Variants in ALX1 observed in about 807,000 individuals in gnomAD.
ALX1 encodes ALX homeobox 1, also known as ALX homeobox protein 1.
Under a neutral mutation model 31.7 loss-of-function variants are expected in ALX1, and 19 were observed. The observed-to-expected ratio is 0.60, with a 90% confidence interval of 0.42 to 0.88. The LOEUF (loss-of-function observed/expected upper bound fraction) is 0.88. Among genes scored for constraint, ALX1 ranks in the 40% least tolerant of loss-of-function variants. The probability of loss-of-function intolerance (pLI) is 0.00; values close to 1 mark genes in which losing one functional copy is unlikely to be tolerated. For missense variants in ALX1, 415 were observed against 407.8 expected (o/e 1.02, Z -0.15); for synonymous variants, 153 against 148.8 (o/e 1.03, Z -0.20).
intron 2 of ALX1, among the ~76,000 whole-genome samples, chr12:85,284,100 G>T (rs999974537): frequency 3.3e-5 from 5 of 151,512 alleles, no homozygotes; most frequent in African/African-American, 1.2e-4. Flanking sequence ...TTATTACAGA[G>T]ACATAAAAAT....
chr12:85,297,636 G>A lies in ALX1; in HGVS notation c.661-3519G>A, dbSNP rs191407725. 1.6e-4 allele frequency among the ~76,000 whole-genome samples: 24 copies of A among 151,436 alleles called. No homozygotes were observed. The East Asian group carries it at 4.1e-3, about 26-fold the overall frequency. ...TTGGTGTACAAAGAATTTTTCATTT[G>A]GAAGGAAGTTGGACTCCAGTAGTGT... On this transcript the variant is annotated intron_variant, in intron 3 of 3. Coordinates refer to ENST00000316824, the MANE Select transcript of ALX1 (RefSeq NM_006982.3).
At chr12:85,287,744 ATACT>A (rs972784144) in intron 3 of ALX1, among the ~76,000 whole-genome samples, 25 of 151,366 alleles carry the variant, frequency 1.7e-4, no homozygotes, top group African/African-American at 5.3e-4. Context: ...CTTTTTCCTA[ATACT>A]TAATAATGAT....
chr12:85,293,442 T>C (rs1224944535), intron 3 of ALX1, among the ~76,000 whole-genome samples: 1 of 150,582 alleles, frequency 6.6e-6, no homozygotes, highest in African/African-American at 2.4e-5. Flanking sequence ...AAACATTTCA[T>C]TTTTATTAAA....
intron 3 of ALX1, among the ~76,000 whole-genome samples, chr12:85,287,289 A>C (rs1896760831): frequency 6.6e-6 from 1 of 151,764 alleles, no homozygotes; most frequent in South Asian, 2.1e-4. Context: ...CATTCTAATT[A>C]CTCAGACTCT....
chr12:85,286,746 G>A lies in ALX1; in HGVS notation c.532-107G>A, dbSNP rs555811907. The A allele has an allele frequency of 7.8e-5, 82 of 1,046,836 alleles. No individual in the cohort carries two copies. The African/African-American group carries it at 1.1e-3, about 14-fold the overall frequency. The allele number at this position is 1,046,836 out of a possible 1,614,324, so 64.8% of individuals were successfully genotyped here. The stretch of plus-strand genomic sequence containing the variant: ...CTAACATAAATACATTTCTTTTTAC[G>A]TAATTTTTTTAACCTGGTTTACCTT... On this transcript the variant is annotated intron_variant, in intron 2 of 3. Transcript: ENST00000316824.
At chr12:85,282,481 G>T (rs996089280) in intron 1 of ALX1, among the ~76,000 whole-genome samples, 2 of 151,800 alleles carry the variant, frequency 1.3e-5, no homozygotes, top group Non-Finnish European at 2.9e-5. Flanking sequence ...GAATATATTT[G>T]TATAATGATG....
intron 1 of ALX1, among the ~76,000 whole-genome samples, chr12:85,283,162 C>A (rs1382803819): frequency 1.3e-5 from 2 of 152,058 alleles, no homozygotes; most frequent in Admixed American, 1.3e-4. Context: ...ATTTTCTGAG[C>A]CACATTAGTA....
intron 3 of ALX1, among the ~76,000 whole-genome samples, chr12:85,288,679 T>C (rs186071491): frequency 6.6e-6 from 1 of 151,618 alleles, no homozygotes; most frequent in Non-Finnish European, 1.5e-5. Context: ...AACAACCTTA[T>C]GTGCTAGGTG....
At chr12:85,294,906 A>G (rs994705126) in intron 3 of ALX1, among the ~76,000 whole-genome samples, 2 of 151,322 alleles carry the variant, frequency 1.3e-5, no homozygotes, top group Non-Finnish European at 3.0e-5. Flanking sequence ...TGATGAATAA[A>G]TGATTTCTAA....
At chr12:85,290,909 A>C (rs568047893) in intron 3 of ALX1, among the ~76,000 whole-genome samples, 1 of 151,132 alleles carries the variant, frequency 6.6e-6, no homozygotes, top group South Asian at 2.1e-4. Context: ...TCCCATTTAC[A>C]ATGTAAAATA....
rs1200413690 is a variant in ALX1 at position 85,283,593 on chromosome 12, T to A, written c.248T>A (p.Val83Glu). The A allele has an allele frequency of 1.2e-6, 2 of 1,614,094 alleles. No individual in the cohort carries two copies. The highest frequency in any genetic ancestry group is 2.2e-5 in the South Asian group (2 of 91,086). Reference sequence around the variant, plus strand: ...ACAGTGAACTATGGGATCACTAAAGTAGAAGGACAGCCCCTTCACACCGAA... The same window carrying A: ...ACAGTGAACTATGGGATCACTAAAGAAGAAGGACAGCCCCTTCACACCGAA... ...DSSVNYGITK[V>E]EGQPLHTELN... Residue 83 changes from valine (V) to glutamate (E), a missense_variant, in exon 2 of 4, where the codon GTA becomes GAA. Physicochemically the swap from Val to Glu is moderately radical, Grantham distance 121. This residue lies in a region of ALX1 where 235 missense variants were observed against 208.9 expected (regional missense o/e 1.13). Transcript: ENST00000316824.
At chr12:85,292,733 C>A (rs1198187727) in intron 3 of ALX1, among the ~76,000 whole-genome samples, 1 of 150,626 alleles carries the variant, frequency 6.6e-6, no homozygotes, top group East Asian at 1.9e-4. Flanking sequence ...GCTTATCTAC[C>A]CTGGTTTTAA....
At chr12:85,291,577 CT>C (rs911612802) in intron 3 of ALX1, among the ~76,000 whole-genome samples, 1 of 151,038 alleles carries the variant, frequency 6.6e-6, no homozygotes, top group Admixed American at 6.6e-5. Context: ...TTACAAGGAA[CT>C]TTACAATTTC....
At chr12:85,284,830 A>C (rs985293052) in intron 2 of ALX1, among the ~76,000 whole-genome samples, 3 of 152,118 alleles carry the variant, frequency 2.0e-5, no homozygotes, top group Non-Finnish European at 4.4e-5. Context: ...TGATTTTTGC[A>C]ATTCCCATAA....
chr12:85,300,357 G>A (rs1391362038), intron 3 of ALX1, among the ~76,000 whole-genome samples: 1 of 151,884 alleles, frequency 6.6e-6, no homozygotes, highest in Non-Finnish European at 1.5e-5. Flanking sequence ...CTACTCTATA[G>A]GAGTACTATA....
At chr12:85,295,274 G>A (rs147043145) in intron 3 of ALX1, among the ~76,000 whole-genome samples, 32 of 151,236 alleles carry the variant, frequency 2.1e-4, no homozygotes, top group African/African-American at 7.7e-4. Context: ...AAAGTTAATG[G>A]GATCCTAAAG....
Position 85,286,915 on chromosome 12 carries a change from A to C in ALX1, c.594A>C (p.Gln198His). The change falls in exon 3 of 4, where the codon CAA becomes CAC. Residue 198 changes from glutamine to histidine, a missense_variant. Physicochemically the swap from Gln to His is conservative, Grantham distance 24 (BLOSUM62 0). Coordinates refer to ENST00000316824, the MANE Select transcript of ALX1 (RefSeq NM_006982.3). ...RKRERYGQIQ[Q>H]AKSHFAATYD... ...GGGAACGTTATGGCCAAATACAACA[A>C]GCGAAAAGCCATTTTGCTGCCACCT... is the stretch of plus-strand genomic sequence containing the variant. The C allele has an allele frequency of 6.2e-7, 1 of 1,612,366 alleles. No homozygotes were observed. Among genetic ancestry groups the C allele is most frequent in the East Asian group, 2.2e-5 (1 of 44,784 alleles).
chr12:85,293,435 C>G (rs923949110), intron 3 of ALX1, among the ~76,000 whole-genome samples: 1 of 149,866 alleles, frequency 6.7e-6, no homozygotes, highest in Non-Finnish European at 1.5e-5. Context: ...AAAAATGAAA[C>G]ATTTCATTTT....
Position 85,283,826 on chromosome 12 carries a change from G to A in ALX1, c.481G>A (p.Val161Ile). ...GAAAACTCATTACCCGGATGTGTAT[G>A]TCAGAGAACAGCTTGCTCTGAGGAC... ...FQKTHYPDVYVREQLALRTEL... is the reference protein window; with the variant it reads ...FQKTHYPDVYIREQLALRTEL... The change falls in exon 2 of 4, where the codon GTC becomes ATC. Residue 161 changes from valine (V) to isoleucine (I), a missense_variant. Coordinates refer to ENST00000316824, the MANE Select transcript of ALX1 (RefSeq NM_006982.3). 1 of 1,614,132 alleles carries A rather than the reference G, an allele frequency of 6.2e-7. No individual in the cohort carries two copies. Among genetic ancestry groups the A allele is most frequent in the Non-Finnish European group, 8.5e-7 (1 of 1,179,996 alleles).
Sources: allele counts gnomAD v4.1 joint callset (sites outside exome capture counted in the v4.1 genomes callset), GRCh38; gene constraint gnomAD v4.1.1; regional missense constraint gnomAD v4.1.1; transcripts MANE v1.5; gene names NCBI Gene and HGNC (gene_info 2026-07-23, HGNC 2026-07-21).